The following UBE2D4 variants were observed in gnomAD, a reference collection of about 807,000 sequenced individuals.
The protein encoded by UBE2D4 is ubiquitin conjugating enzyme E2 D4.
A neutral mutation model predicts 23.0 loss-of-function variants in UBE2D4; 17 were observed. That is an observed-to-expected ratio of 0.74 (90% confidence interval 0.51 to 1.11). The LOEUF (loss-of-function observed/expected upper bound fraction) is 1.11. Among genes scored for constraint, UBE2D4 ranks in the 50% least tolerant of loss-of-function variants. The pLI, the probability that UBE2D4 is intolerant of heterozygous loss-of-function variation, is 0.00. For missense variants in UBE2D4, 139 were observed against 181.8 expected, an observed-to-expected ratio of 0.76 and a Z score of 1.35; for synonymous variants, 61 against 69.4, an observed-to-expected ratio of 0.88 and a Z score of 0.60.
chr7:43,952,239 C>T (rs763352201), intron 6 of UBE2D4: 11 of 206,002 alleles, frequency 5.3e-5, no homozygotes, highest in Non-Finnish European at 1.0e-4. Context: ...ATGCACACCC[C>T]GGTAGGCAGA....
intron 1 of UBE2D4, among the ~76,000 whole-genome samples, chr7:43,929,552 C>T (rs1368340656): frequency 1.3e-5 from 2 of 151,848 alleles, no homozygotes; most frequent in African/African-American, 4.8e-5. Flanking sequence ...GAGGTCAAGG[C>T]TGCAGTGAGC....
rs1311785784 is a variant in UBE2D4, at chr7:43,943,147, A to ACTG, written c.198+119_198+121dup. On this transcript the variant is annotated intron_variant, in intron 4 of 6. Coordinates refer to ENST00000222402, the MANE Select transcript of UBE2D4 (RefSeq NM_015983.4). ...GTACGTGGGGTTTCTCTGAGGGCCC[A>ACTG]CTGCTCCACCCTGTGGTGAGAGTTT... is the stretch of plus-strand genomic sequence containing the variant. 8 of 993,890 alleles carry ACTG rather than the reference A, an allele frequency of 8.0e-6. No individual in the cohort carries two copies. The Admixed American group carries it at 8.9e-5, about 11-fold the overall frequency. The allele number at this position is 993,890 out of a possible 1,614,324, so 61.6% of individuals were successfully genotyped here.
Position 43,953,135 on chromosome 7 carries a change from G to C in UBE2D4, c.*440G>C, listed in dbSNP as rs111498272. 2 of 456,870 alleles carry C rather than the reference G, an allele frequency of 4.4e-6. No homozygotes were observed. Among genetic ancestry groups the C allele is most frequent in the African/African-American group, 2.0e-5 (1 of 50,088 alleles). The allele number at this position is 456,870 out of a possible 1,614,324, so 28.3% of individuals were successfully genotyped here. ...AGTGCCATCCTGGGTGCCCAGGGCAGAGCAGGCTTTGTTCGCACCTCATCT... is the reference window on the plus strand; with the variant it reads ...AGTGCCATCCTGGGTGCCCAGGGCACAGCAGGCTTTGTTCGCACCTCATCT... On this transcript the variant is annotated 3_prime_UTR_variant, in exon 7 of 7. Transcript: ENST00000222402.
At chr7:43,931,733 C>G (rs1407399431) in intron 1 of UBE2D4, among the ~76,000 whole-genome samples, 1 of 152,156 alleles carries the variant, frequency 6.6e-6, no homozygotes, top group African/African-American at 2.4e-5. Flanking sequence ...GACAGGGTCT[C>G]TGTCACCCAG....
intron 6 of UBE2D4, chr7:43,952,332 C>T (rs908340675): frequency 2.3e-5 from 7 of 298,752 alleles, no homozygotes; most frequent in Non-Finnish European, 2.6e-5. Flanking sequence ...CTTCTCTGTC[C>T]TCCCTGCATC....
At chr7:43,929,319 T>C (rs2095940394) in intron 1 of UBE2D4, among the ~76,000 whole-genome samples, 1 of 151,398 alleles carries the variant, frequency 6.6e-6, no homozygotes, top group Non-Finnish European at 1.5e-5. Flanking sequence ...CCCAGCTACT[T>C]GGGAGGCTGA....
chr7:43,926,588 G>A (rs769401808), intron 1 of UBE2D4, 32 bp downstream of exon 1: 2 of 1,557,706 alleles, frequency 1.3e-6, no homozygotes, highest in South Asian at 2.4e-5. Flanking sequence ...AACTCTTTGG[G>A]TGTCCGAAGC....
chr7:43,936,174 G>A (rs1260403120), intron 1 of UBE2D4, among the ~76,000 whole-genome samples: 1 of 152,164 alleles, frequency 6.6e-6, no homozygotes, highest in Non-Finnish European at 1.5e-5. Flanking sequence ...TACACAGCCT[G>A]ATAAAAGTAA....
intron 1 of UBE2D4, among the ~76,000 whole-genome samples, chr7:43,931,078 G>A (rs2095944297): frequency 6.6e-6 from 1 of 151,100 alleles, no homozygotes; most frequent in Non-Finnish European, 1.5e-5. Flanking sequence ...GAGCGATCAT[G>A]CCACTACACT....
chr7:43,952,761 C>A lies in UBE2D4; in HGVS notation c.*66C>A. 7.1e-7 allele frequency: 1 copy of A among 1,408,440 alleles called. No homozygotes were observed. Among genetic ancestry groups the A allele is most frequent in the Non-Finnish European group, 1.0e-6 (1 of 993,630 alleles). 87.2% of individuals were successfully genotyped at this position (1,408,440 alleles called of 1,614,324 possible). A position where few individuals can be genotyped will look rare whatever the true frequency, so the allele number is the denominator to read the frequency against. On this transcript the variant is annotated 3_prime_UTR_variant, in exon 7 of 7. Coordinates refer to ENST00000222402, the MANE Select transcript of UBE2D4 (RefSeq NM_015983.4). ...CTGGCAGAGAGGTCTTCCCTTAAAACTTTGGGCTGTTGGCTGAGCCATTCA... is the reference window on the plus strand; with the variant it reads ...CTGGCAGAGAGGTCTTCCCTTAAAAATTTGGGCTGTTGGCTGAGCCATTCA...
chr7:43,947,881 C>A (rs1247685939), intron 4 of UBE2D4, among the ~76,000 whole-genome samples: 1 of 152,228 alleles, frequency 6.6e-6, no homozygotes, highest in Admixed American at 6.5e-5. Flanking sequence ...TAATGATCGC[C>A]ATTCTAACTG....
chr7:43,952,882 G>A lies in UBE2D4; in HGVS notation c.*187G>A. On this transcript the variant is annotated 3_prime_UTR_variant, in exon 7 of 7. Coordinates refer to ENST00000222402, the MANE Select transcript of UBE2D4 (RefSeq NM_015983.4). The stretch of plus-strand genomic sequence containing the variant: ...TTTCAGCAATTACGGCTTTGACAGT[G>A]CCACCTCTTTGATGCCAAATCAGCA... 10 of 561,526 alleles carry A rather than the reference G, an allele frequency of 1.8e-5. No individual in the cohort carries two copies. The South Asian group carries it at 1.9e-4, about 11-fold the overall frequency. 34.8% of individuals were successfully genotyped at this position (561,526 alleles called of 1,614,324 possible). A position where few individuals can be genotyped will look rare whatever the true frequency, so the allele number is the denominator to read the frequency against.
intron 4 of UBE2D4, chr7:43,943,280 C>T (rs2095977620): frequency 5.1e-6 from 3 of 587,290 alleles, no homozygotes; most frequent in Non-Finnish European, 9.1e-6. Flanking sequence ...AATGCTTCTC[C>T]TTGTGACTGT....
intron 1 of UBE2D4, 41 bp from the exon 2 acceptor site, chr7:43,938,390 C>T (rs2132765801): frequency 6.3e-7 from 1 of 1,593,754 alleles, no homozygotes; most frequent in South Asian, 1.1e-5. Flanking sequence ...AGGCAGCATC[C>T]CCAGCATACA....
intron 3 of UBE2D4, 45 bp downstream of exon 3, chr7:43,942,902 C>A (rs1476289680): frequency 6.2e-7 from 1 of 1,613,990 alleles, no homozygotes; most frequent in East Asian, 2.2e-5. Flanking sequence ...TTGCTTCTTG[C>A]ACTTTGGGCT....
rs2095981990 is a variant in UBE2D4, at chr7:43,944,851, G to T, written c.198+1820G>T. On this transcript the variant is annotated intron_variant, in intron 4 of 6. Coordinates refer to ENST00000222402, the MANE Select transcript of UBE2D4 (RefSeq NM_015983.4). This position sits in a 1 kb window ranked among gnomAD's most constrained non-coding sequence, Gnocchi z 4.0. ...TTATCAAGTAGTAATTTTCTAGCTT[G>T]TCTCTTTCATTACTGTGTGAGCAGC... 1 of 152,152 alleles carries T rather than the reference G, an allele frequency of 6.6e-6. No individual in the cohort carries two copies. Among genetic ancestry groups the T allele is most frequent in the African/African-American group, 2.4e-5 (1 of 41,454 alleles). 9.4% of individuals were successfully genotyped at this position (152,152 alleles called of 1,614,324 possible).
At chr7:43,927,797 G>A (rs2095936117) in intron 1 of UBE2D4, among the ~76,000 whole-genome samples, 1 of 152,182 alleles carries the variant, frequency 6.6e-6, no homozygotes, top group Admixed American at 6.5e-5. Context: ...TGTTTACAGA[G>A]TTGTTTTGAG....
intron 2 of UBE2D4, among the ~76,000 whole-genome samples, chr7:43,939,364 C>T (rs1253711245): frequency 6.6e-6 from 1 of 152,268 alleles, no homozygotes; most frequent in Non-Finnish European, 1.5e-5. Context: ...TGTTCCAGGC[C>T]TCTGCTGTCC....
At chr7:43,935,031 G>A (rs1438441822) in intron 1 of UBE2D4, among the ~76,000 whole-genome samples, 1 of 152,124 alleles carries the variant, frequency 6.6e-6, no homozygotes, top group East Asian at 1.9e-4. Context: ...TGCTTTCAGT[G>A]AGCTTAAATC....
Sources: gnomAD v4.1 joint callset for allele counts (sites outside exome capture counted in the v4.1 genomes callset) on GRCh38, gnomAD v4.1.1 for gene constraint, Gnocchi (gnomAD v3.1) non-coding constraint, MANE v1.5 for transcripts, NCBI Gene and HGNC (gene_info 2026-07-23, HGNC 2026-07-21) for gene names.